Variants in OR56A3 observed in about 807,000 individuals in gnomAD.
The protein encoded by OR56A3 is olfactory receptor family 56 subfamily A member 3.
A neutral mutation model predicts 17.5 loss-of-function variants in OR56A3; 23 were observed. The ratio of observed to expected loss-of-function variants is 1.32; its 90% CI spans 0.95 to 1.87. The LOEUF is 1.87. OR56A3 is among the 40% of genes most tolerant of loss of function. The pLI is 0.00. For missense variants in OR56A3, 366 were observed against 380.1 expected, an observed-to-expected ratio of 0.96 and a Z score of 0.31; for synonymous variants, 175 against 150.6, an observed-to-expected ratio of 1.16 and a Z score of -1.19.
At chr11:5,976,380 T>C in the OR56A3 span, among the ~76,000 whole-genome samples, 1 of 152,276 alleles carries the variant, frequency 6.6e-6, no homozygotes, top group South Asian at 2.1e-4. Context: ...GGAAAAGCTA[T>C]CTTTTGAGAA....
At chr11:6,018,652 A>G in the OR56A3 span, among the ~76,000 whole-genome samples, 3 of 152,016 alleles carry the variant, frequency 2.0e-5, no homozygotes, top group Admixed American at 6.6e-5. Context: ...AGTAGCAAAA[A>G]CATGCAAAAT....
the OR56A3 span, among the ~76,000 whole-genome samples, chr11:6,008,453 A>G: frequency 6.6e-6 from 1 of 152,164 alleles, no homozygotes; most frequent in African/African-American, 2.4e-5. Flanking sequence ...TAAACTGTGC[A>G]AAATATTCTT....
chr11:5,979,145 G>A, the OR56A3 span, among the ~76,000 whole-genome samples: 4 of 140,372 alleles, frequency 2.8e-5, no homozygotes, highest in African/African-American at 1.0e-4. Context: ...TAGGATTTTT[G>A]CATCTATGTT....
At chr11:5,992,377 C>T in the OR56A3 span, among the ~76,000 whole-genome samples, 4 of 152,162 alleles carry the variant, frequency 2.6e-5, no homozygotes, top group African/African-American at 9.7e-5. Context: ...ACTGAAGAGT[C>T]ATCCTAGCTT....
the OR56A3 span, among the ~76,000 whole-genome samples, chr11:6,014,822 C>A: frequency 0.7 from 106,601 of 151,264 alleles, 37,838 homozygotes; most frequent in East Asian, 0.94. Context: ...TGGGAACTGG[C>A]GTAAAGGTCA....
rs1847890134 is a variant in OR56A3 at position 5,948,732 on chromosome 11, G to C, written c.*438G>C. The C allele has an allele frequency of 6.1e-6, 1 of 164,474 alleles. No individual in the cohort carries two copies. Among genetic ancestry groups the C allele is most frequent in the Admixed American group, 5.7e-5 (1 of 17,636 alleles). The allele number at this position is 164,474 out of a possible 1,614,324, so 10.2% of individuals were successfully genotyped here. ...AAAAAACACAGTAGTTGAAATTTCAGTCCTCAGTGGTGGAAAGTTGCTACT... is the reference window on the plus strand; with the variant it reads ...AAAAAACACAGTAGTTGAAATTTCACTCCTCAGTGGTGGAAAGTTGCTACT... On this transcript the variant is annotated 3_prime_UTR_variant, in exon 3 of 3. Transcript: ENST00000641160.
Position 5,948,020 on chromosome 11 carries a change from T to C in OR56A3, c.674T>C (p.Ile225Thr). 1 of 1,614,234 alleles carries C rather than the reference T, an allele frequency of 6.2e-7. No homozygotes were observed. Among genetic ancestry groups the C allele is most frequent in the East Asian group, 2.2e-5 (1 of 44,884 alleles). Residue 225 changes from isoleucine to threonine, a missense_variant, in exon 3 of 3, where the codon ATT becomes ACT. By Grantham distance (89) the Ile-to-Thr change is moderately conservative. Coordinates refer to ENST00000641160, the MANE Select transcript of OR56A3 (RefSeq NM_001003443.3). ...LILIFLSYTFILRAVLRLKAE... is the reference protein window; with the variant it reads ...LILIFLSYTFTLRAVLRLKAE... ...CTTATCTTCCTCTCCTACACCTTCATTCTGCGAGCTGTGCTGAGACTCAAG... is the reference window on the plus strand; with the variant it reads ...CTTATCTTCCTCTCCTACACCTTCACTCTGCGAGCTGTGCTGAGACTCAAG...
the OR56A3 span, among the ~76,000 whole-genome samples, chr11:6,010,657 C>T: frequency 6.6e-6 from 1 of 152,114 alleles, no homozygotes; most frequent in Non-Finnish European, 1.5e-5. Context: ...TGCAGATTAC[C>T]CAGCCTCAGG....
chr11:5,967,128 C>CA, the OR56A3 span: 2,743 of 130,318 alleles, frequency 0.021, 58 homozygotes, highest in African/African-American at 0.064. Flanking sequence ...CCATTCATGG[C>CA]AAAAAAAAAA....
chr11:5,953,616 C>T (rs1298850429), downstream of OR56A3, among the ~76,000 whole-genome samples: 2 of 152,138 alleles, frequency 1.3e-5, no homozygotes, highest in African/African-American at 4.8e-5. Flanking sequence ...GTAAAGAGTA[C>T]AGACCCAAAT....
the OR56A3 span, among the ~76,000 whole-genome samples, chr11:5,957,755 C>T: frequency 3.9e-5 from 6 of 151,948 alleles, no homozygotes; most frequent in Non-Finnish European, 7.4e-5. Flanking sequence ...ATTTTTAAAA[C>T]TTTTTTTTAA....
chr11:5,969,036 A>G, the OR56A3 span, among the ~76,000 whole-genome samples: 1 of 152,202 alleles, frequency 6.6e-6, no homozygotes, highest in Non-Finnish European at 1.5e-5. Flanking sequence ...CAACCCTATT[A>G]CAAACCTGAG....
chr11:5,977,837 G>A, the OR56A3 span, among the ~76,000 whole-genome samples: 1 of 152,106 alleles, frequency 6.6e-6, no homozygotes, highest in Non-Finnish European at 1.5e-5. Context: ...GGATTTTATA[G>A]CTTAAGTTTT....
chr11:6,018,998 C>T, the OR56A3 span, among the ~76,000 whole-genome samples: 1 of 151,810 alleles, frequency 6.6e-6, no homozygotes, highest in African/African-American at 2.4e-5. Context: ...CCTGAAAATA[C>T]CACTAGTGAG....
the OR56A3 span, chr11:6,021,277 G>A: frequency 1.3e-5 from 2 of 152,030 alleles, no homozygotes; most frequent in East Asian, 1.9e-4. Flanking sequence ...TTTAAAAAAT[G>A]TATTGATCCT....
At chr11:5,952,659 A>G (rs4486605), downstream of OR56A3, among the ~76,000 whole-genome samples, 39,455 of 152,012 alleles carry the variant, frequency 0.26, 5,136 homozygotes, top group South Asian at 0.34. Context: ...AATAAGTAAT[A>G]AAAATAGGTA....
chr11:6,014,947 C>G, the OR56A3 span, among the ~76,000 whole-genome samples: 1 of 92,582 alleles, frequency 1.1e-5, no homozygotes, highest in Non-Finnish European at 2.0e-5. Context: ...AATTTCTAAG[C>G]AACAAAGCAT....
chr11:5,976,104 T>C, the OR56A3 span, among the ~76,000 whole-genome samples: 1 of 151,816 alleles, frequency 6.6e-6, no homozygotes, highest in Non-Finnish European at 1.5e-5. Context: ...ACCTGTTGTC[T>C]TGGGCTTGTC....
At chr11:5,944,471 A>T (rs1847856602) in intron 1 of OR56A3, among the ~76,000 whole-genome samples, 1 of 152,188 alleles carries the variant, frequency 6.6e-6, no homozygotes, top group Non-Finnish European at 1.5e-5. Context: ...GTGGGTGGAA[A>T]AGAAAAACCT....
Sources: allele counts gnomAD v4.1 joint callset (sites outside exome capture counted in the v4.1 genomes callset), GRCh38; gene constraint gnomAD v4.1.1; transcripts MANE v1.5; gene names NCBI Gene and HGNC (gene_info 2026-07-23, HGNC 2026-07-21).